The following KPNA6 variants were observed in gnomAD, a reference collection of about 807,000 sequenced individuals.
KPNA6 encodes karyopherin subunit alpha 6, also known as importin subunit alpha-7.
Under a neutral mutation model 72.0 loss-of-function variants are expected in KPNA6, and 9 were observed. The ratio of observed to expected loss-of-function variants is 0.13; its 90% confidence interval spans 0.08 to 0.22. The LOEUF (loss-of-function observed/expected upper bound fraction) is 0.22. KPNA6 is among the 10% of genes least tolerant of loss of function. The probability of loss-of-function intolerance (pLI) is 1.00; values close to 1 mark genes in which losing one functional copy is unlikely to be tolerated. For missense variants in KPNA6, 374 were observed against 655.7 expected (o/e 0.57, Z 4.69); for synonymous variants, 219 against 242.1 (o/e 0.90, Z 0.89).
intron 1 of KPNA6, among the ~76,000 whole-genome samples, chr1:32,112,699 G>A (rs895047084): frequency 6.6e-6 from 1 of 152,042 alleles, no homozygotes; most frequent in African/African-American, 2.4e-5. Flanking sequence ...TACCATGTTG[G>A]ACAGGCTGGT....
chr1:32,168,916 G>A (rs893720105), intron 12 of KPNA6, among the ~76,000 whole-genome samples: 1 of 152,172 alleles, frequency 6.6e-6, no homozygotes. Flanking sequence ...GGGAAGTAAT[G>A]TGTTCAGAGG....
At chr1:32,124,055 A>AT (rs1641486940) in intron 1 of KPNA6, among the ~76,000 whole-genome samples, 1 of 148,124 alleles carries the variant, frequency 6.8e-6, no homozygotes, top group Non-Finnish European at 1.5e-5. Flanking sequence ...AAAAAAAAAA[A>AT]GGAATGACTA....
At chr1:32,152,693 AAATT>A (rs995667733) in intron 1 of KPNA6, among the ~76,000 whole-genome samples, 26 of 152,012 alleles carry the variant, frequency 1.7e-4, no homozygotes, top group Non-Finnish European at 2.8e-4. Flanking sequence ...AAAATAGAAA[AAATT>A]AGCCAGACGT....
chr1:32,165,891 G>A (rs1328585807), intron 10 of KPNA6, among the ~76,000 whole-genome samples: 2 of 151,636 alleles, frequency 1.3e-5, no homozygotes, highest in Non-Finnish European at 2.9e-5. Flanking sequence ...CAAGCGTCTT[G>A]GGAGGCTGAG....
intron 1 of KPNA6, among the ~76,000 whole-genome samples, chr1:32,127,485 A>G (rs1000446647): frequency 2.0e-5 from 3 of 152,294 alleles, no homozygotes; most frequent in South Asian, 2.1e-4. Context: ...CCTGTTTCCA[A>G]TTTGTCAGAA....
Position 32,166,386 on chromosome 1 carries a change from G to A in KPNA6, c.1116+156G>A, listed in dbSNP as rs544354998. Among the ~76,000 whole-genome samples the A allele has an allele frequency of 1.8e-4, 28 of 152,266 alleles. No homozygotes were observed. In the South Asian group the frequency reaches 4.6e-3, roughly 25 times the overall value. ...TCACGCCTGTAGTCCCAGCACTTTG[G>A]GAGGCCGAGGTGGGCAGATCATGAG... is the stretch of plus-strand genomic sequence containing the variant. On this transcript the variant is annotated intron_variant, in intron 11 of 13. Transcript: ENST00000373625.
rs1302349230 is a variant in KPNA6, at chr1:32,169,864, C to T, written c.1245-18C>T. 1 of 1,611,386 alleles carries T rather than the reference C, an allele frequency of 6.2e-7. No homozygotes were observed. Among genetic ancestry groups the T allele is most frequent in the Non-Finnish European group, 8.5e-7 (1 of 1,178,126 alleles). ...TGTCCTGTACTAGTTTAGCACTTGC[C>T]TGGTCTCTGGCCCCTAGGTACCTGG... On this transcript the variant is annotated intron_variant, in intron 12 of 13. Transcript: ENST00000373625.
rs547961671 is a variant in KPNA6, at chr1:32,162,234, C to T, written c.748-127C>T. 203 of 1,006,444 alleles carry T rather than the reference C, an allele frequency of 2.0e-4. 2 individuals carry two copies. The South Asian group carries it at 3.0e-3, about 15-fold the overall frequency. The allele number at this position is 1,006,444 out of a possible 1,614,324, so 62.3% of individuals were successfully genotyped here. ...TAGACCCAAATGTTTAATGTAGTAG[C>T]GATCCCTAGGGTCTGGAATTACTTG... On this transcript the variant is annotated intron_variant, in intron 8 of 13. Coordinates refer to ENST00000373625, the MANE Select transcript of KPNA6 (RefSeq NM_012316.5).
At chr1:32,157,492 C>T (rs1557479935) in intron 4 of KPNA6, 47 bp downstream of exon 4, 2 of 1,360,682 alleles carry the variant, frequency 1.5e-6, no homozygotes, top group Non-Finnish European at 1.1e-6. Context: ...GATTTAGCCT[C>T]TTTTCTCTTC....
At chr1:32,166,854 C>T (rs183052468) in intron 11 of KPNA6, among the ~76,000 whole-genome samples, 3 of 151,790 alleles carry the variant, frequency 2.0e-5, no homozygotes, top group East Asian at 1.9e-4. Context: ...AGGAGAATGG[C>T]GTGAACCTGG....
In KPNA6 at chr1:32,158,325, G is replaced by T; in HGVS notation, c.390G>T (p.Val130=). 6.2e-7 allele frequency: 1 copy of T among 1,613,496 alleles called. No individual in the cohort carries two copies. Among genetic ancestry groups the T allele is most frequent in the Non-Finnish European group, 8.5e-7 (1 of 1,179,446 alleles). Residue 130 remains valine (V), a synonymous_variant, in exon 5 of 14, where the codon GTG becomes GTT. Coordinates refer to ENST00000373625, the MANE Select transcript of KPNA6 (RefSeq NM_012316.5). Reference sequence around the variant, plus strand: ...CTCCAAGAGTGGTGGATCGGTTCGTGGAGTTTCTGAAGAGGAATGAGAATT... The same window carrying T: ...CTCCAAGAGTGGTGGATCGGTTCGTTGAGTTTCTGAAGAGGAATGAGAATT... ...INTPRVVDRF[V]EFLKRNENCT...
chr1:32,117,156 A>G (rs1030650959), intron 1 of KPNA6, among the ~76,000 whole-genome samples: 2 of 152,054 alleles, frequency 1.3e-5, no homozygotes, highest in South Asian at 2.1e-4. Context: ...GATTGCCACA[A>G]ACCTTCAATT....
chr1:32,138,269 G>A (rs1173817213), intron 1 of KPNA6, among the ~76,000 whole-genome samples: 1 of 152,130 alleles, frequency 6.6e-6, no homozygotes, highest in Non-Finnish European at 1.5e-5. Flanking sequence ...AGCTGGCCAG[G>A]CGCGGTGGCT....
chr1:32,154,512 G>C, intron 1 of KPNA6, 76 bp from the exon 2 acceptor site: 12 of 1,513,946 alleles, frequency 7.9e-6, no homozygotes, highest in Non-Finnish European at 1.1e-5. Context: ...GTGAAGGGTG[G>C]GTAGGGATAG....
At chr1:32,125,979 TAAAAAAAAA>T (rs75504815) in intron 1 of KPNA6, among the ~76,000 whole-genome samples, 1 of 98,976 alleles carries the variant, frequency 1.0e-5, no homozygotes, top group African/African-American at 3.8e-5. Flanking sequence ...CTATATTTAC[TAAAAAAAAA>T]AAAAAAAAAA....
intron 1 of KPNA6, among the ~76,000 whole-genome samples, chr1:32,149,666 C>T (rs1410714185): frequency 6.6e-6 from 1 of 152,048 alleles, no homozygotes; most frequent in Non-Finnish European, 1.5e-5. Context: ...TAGTGTTTTT[C>T]ATTTTGTGGA....
intron 1 of KPNA6, among the ~76,000 whole-genome samples, chr1:32,126,572 A>G (rs1011855295): frequency 6.6e-6 from 1 of 151,904 alleles, no homozygotes; most frequent in Non-Finnish European, 1.5e-5. Context: ...TTTAGTAGAG[A>G]CGAGGTTTCA....
chr1:32,136,218 C>A (rs1462628680), intron 1 of KPNA6, among the ~76,000 whole-genome samples: 1 of 138,590 alleles, frequency 7.2e-6, no homozygotes, highest in East Asian at 2.3e-4. Flanking sequence ...CTCTTGTTGC[C>A]CAGGCTGGAG....
intron 1 of KPNA6, among the ~76,000 whole-genome samples, chr1:32,130,323 A>G (rs1230379866): frequency 1.3e-5 from 2 of 151,610 alleles, no homozygotes; most frequent in East Asian, 3.9e-4. Flanking sequence ...AGAGGACACA[A>G]ATGTGACTTT....
Sources: gnomAD v4.1 joint callset for allele counts (sites outside exome capture counted in the v4.1 genomes callset) on GRCh38, gnomAD v4.1.1 for gene constraint, MANE v1.5 for transcripts, NCBI Gene and HGNC (gene_info 2026-07-23, HGNC 2026-07-21) for gene names.